The following GPAM variants were observed in gnomAD, a reference collection of about 807,000 sequenced individuals.
GPAM encodes the protein glycerol-3-phosphate acyltransferase 1, mitochondrial.
Under a neutral mutation model 105.0 loss-of-function variants are expected in GPAM, and 56 were observed. The ratio of observed to expected loss-of-function variants is 0.53; its 90% CI spans 0.43 to 0.67. The LOEUF (loss-of-function observed/expected upper bound fraction) is 0.67, where lower values mean the gene tolerates loss of function less well. GPAM is among the 30% of genes least tolerant of loss of function. GPAM has a pLI of 0.00. For missense variants in GPAM, 855 were observed against 989.8 expected (o/e 0.86, Z 1.83); for synonymous variants, 368 against 354.4 (o/e 1.04, Z -0.43).
At chr10:112,159,216 C>CTTT (rs35513817) in intron 17 of GPAM, among the ~76,000 whole-genome samples, 870 of 86,980 alleles carry the variant, frequency 0.01, 20 homozygotes, top group African/African-American at 0.016. Context: ...AGATGATTTT[C>CTTT]TTTTTTTTTT....
chr10:112,214,117 G>T (rs371263795), intron 1 of GPAM, among the ~76,000 whole-genome samples: 2 of 152,262 alleles, frequency 1.3e-5, no homozygotes, highest in East Asian at 3.9e-4. Context: ...CATCCTGTGG[G>T]GGGATCCACA....
At position 112,157,406 on chromosome 10, in the gene GPAM, A is replaced by G. The variant is rs1564809982; in HGVS notation, c.1981-17T>C. 6.2e-7 allele frequency: 1 copy of G among 1,612,632 alleles called. No homozygotes were observed. The highest frequency in any genetic ancestry group is 8.5e-7 in the Non-Finnish European group (1 of 1,178,878). ...GTCATCGTGCTAGGCCAAGGAGATG[A>G]TGGATAGTAAATAAATATGCACTGG... is the stretch of plus-strand genomic sequence containing the variant. On this transcript the variant is annotated splice_polypyrimidine_tract_variant and intron_variant, in intron 18 of 21. Coordinates refer to ENST00000348367, the MANE Select transcript of GPAM (RefSeq NM_001244949.2).
chr10:112,184,363 A>T (rs553277909), upstream of GPAM, among the ~76,000 whole-genome samples: 127 of 152,238 alleles, frequency 8.3e-4, 1 homozygote, highest in Non-Finnish European at 1.6e-3. Context: ...AATCGCTAAG[A>T]GTACATTTCA....
intron 1 of GPAM, among the ~76,000 whole-genome samples, chr10:112,204,014 A>G (rs2133298363): frequency 6.6e-6 from 1 of 152,296 alleles, no homozygotes; most frequent in South Asian, 2.1e-4. Context: ...CCAGGCTACC[A>G]AACACCAAGG....
Position 112,153,353 on chromosome 10 carries a change from T to C in GPAM, c.*197A>G. The C allele has an allele frequency of 5.3e-6, 8 of 1,500,596 alleles. No individual in the cohort carries two copies. Among genetic ancestry groups the C allele is most frequent in the Non-Finnish European group, 5.3e-6 (6 of 1,131,406 alleles). 93.0% of individuals were successfully genotyped at this position (1,500,596 alleles called of 1,614,324 possible). ...GAGGCTGAGGTCCCCCCAAGTGTTA[T>C]CTGCAGGCTGCTGTGTTGATGCAGA... On this transcript the variant is annotated 3_prime_UTR_variant, in exon 22 of 22. Transcript: ENST00000348367.
At chr10:112,225,844 C>T in the GPAM span, among the ~76,000 whole-genome samples, 2 of 152,162 alleles carry the variant, frequency 1.3e-5, no homozygotes, top group South Asian at 2.1e-4. Context: ...TTGTTTTGCT[C>T]GCTGCGGTGT....
rs977086655 is a variant in GPAM at position 112,157,318 on chromosome 10, C to A, written c.2052G>T (p.Leu684Phe). ...CATCTTCTTCATCACTTCTCCAAGA[C>A]AAAGGTTCTGGAAGCTTCTTGTCCC... is the stretch of plus-strand genomic sequence containing the variant. ...QQWDKKLPEP[L>F]SWRSDEEDED... The change falls in exon 19 of 22, where the codon TTG becomes TTT. Residue 684 changes from leucine to phenylalanine, a missense_variant. Transcript: ENST00000348367. 6.2e-7 allele frequency: 1 copy of A among 1,613,692 alleles called. No individual in the cohort carries two copies. The highest frequency in any genetic ancestry group is 8.5e-7 in the Non-Finnish European group (1 of 1,179,570).
chr10:112,197,970 C>A (rs552113939), intron 1 of GPAM, among the ~76,000 whole-genome samples: 2 of 152,130 alleles, frequency 1.3e-5, no homozygotes, highest in East Asian at 1.9e-4. Flanking sequence ...TATTGTGAAC[C>A]ATTAATTACA....
chr10:112,157,395 C>A lies in GPAM; in HGVS notation c.1981-6G>T. 6.2e-7 allele frequency: 1 copy of A among 1,613,548 alleles called. No individual in the cohort carries two copies. The highest frequency in any genetic ancestry group is 8.5e-7 in the Non-Finnish European group (1 of 1,179,558). ...ATATCTTCCTGGTCATCGTGCTAGGCCAAGGAGATGATGGATAGTAAATAA... is the reference window on the plus strand; with the variant it reads ...ATATCTTCCTGGTCATCGTGCTAGGACAAGGAGATGATGGATAGTAAATAA... On this transcript the variant is annotated splice_polypyrimidine_tract_variant and splice_region_variant and intron_variant, in intron 18 of 21. Coordinates refer to ENST00000348367, the MANE Select transcript of GPAM (RefSeq NM_001244949.2).
At chr10:112,200,432 T>C (rs964012816) in intron 1 of GPAM, among the ~76,000 whole-genome samples, 5 of 151,558 alleles carry the variant, frequency 3.3e-5, no homozygotes, top group African/African-American at 1.2e-4. Context: ...GGACCACAGG[T>C]GCATGCCACC....
chr10:112,195,101 C>A (rs554058432), intron 1 of GPAM, among the ~76,000 whole-genome samples: 1 of 152,132 alleles, frequency 6.6e-6, no homozygotes, highest in African/African-American at 2.4e-5. Flanking sequence ...TACACATCAG[C>A]CAGACCGAGC....
At chr10:112,186,619 T>C (rs1847599390), upstream of GPAM, among the ~76,000 whole-genome samples, 1 of 152,158 alleles carries the variant, frequency 6.6e-6, no homozygotes, top group African/African-American at 2.4e-5. Context: ...TGATCTCAGC[T>C]CACTGAAACC....
At chr10:112,207,895 G>C (rs1340153623) in intron 1 of GPAM, among the ~76,000 whole-genome samples, 1 of 152,206 alleles carries the variant, frequency 6.6e-6, no homozygotes, top group Non-Finnish European at 1.5e-5. Flanking sequence ...GCTCCTTACA[G>C]CTAAATATGT....
At position 112,181,827 on chromosome 10, in the gene GPAM, G is replaced by A. The variant is rs775441827; in HGVS notation, c.-29-14C>T. 22 of 1,080,010 alleles carry A rather than the reference G, an allele frequency of 2.0e-5. No homozygotes were observed. The highest frequency in any genetic ancestry group is 2.9e-5 in the Non-Finnish European group (20 of 693,872). 66.9% of individuals were successfully genotyped at this position (1,080,010 alleles called of 1,614,324 possible). On this transcript the variant is annotated splice_polypyrimidine_tract_variant and intron_variant, in intron 2 of 21. Transcript: ENST00000348367. ...CCAAATCATGTGCTATAAAAAATAG[G>A]TACCATTTAAATTAACAAGGAATCG...
chr10:112,168,887 C>CAA lies in GPAM; in HGVS notation c.859_860insTT (p.Arg287LeufsTer15). 6.2e-7 allele frequency: 1 copy of CAA among 1,610,166 alleles called. No individual in the cohort carries two copies. Among genetic ancestry groups the CAA allele is most frequent in the South Asian group, 1.1e-5 (1 of 90,994 alleles). On this transcript the variant is annotated frameshift_variant, in exon 10 of 22. Coordinates refer to ENST00000348367, the MANE Select transcript of GPAM (RefSeq NM_001244949.2). LOFTEE classifies it high-confidence loss of function. ...CAAAGCTCTATAGAGAACATCTTTC[C>CAA]GTCCATCTGGTGTTTCATCGAGCCT...
Position 112,152,608 on chromosome 10 carries a change from C to T in GPAM, c.*942G>A, listed in dbSNP as rs1457773681. Reference sequence around the variant, plus strand: ...TCAGCTGTGGCCAGAGAACTGTATTCTAACAGTCTGTCAGCTCAAGCTAAT... The same window carrying T: ...TCAGCTGTGGCCAGAGAACTGTATTTTAACAGTCTGTCAGCTCAAGCTAAT... On this transcript the variant is annotated 3_prime_UTR_variant, in exon 22 of 22. Transcript: ENST00000348367. 1 of 985,220 alleles carries T rather than the reference C, an allele frequency of 1.0e-6. No individual in the cohort carries two copies. The highest frequency in any genetic ancestry group is 1.2e-6 in the Non-Finnish European group (1 of 829,844). 61.0% of individuals were successfully genotyped at this position (985,220 alleles called of 1,614,324 possible).
At chr10:112,189,757 T>G (rs1301771057) in intron 1 of GPAM, among the ~76,000 whole-genome samples, 1 of 152,212 alleles carries the variant, frequency 6.6e-6, no homozygotes, top group Non-Finnish European at 1.5e-5. Flanking sequence ...CACCGCTTCC[T>G]TTTCCGTTTT....
rs148277340 is a variant in GPAM at position 112,176,286 on chromosome 10, T to G, written c.300-573A>C. Among the ~76,000 whole-genome samples, 516 of 152,302 alleles carry G rather than the reference T, an allele frequency of 3.4e-3. 2 individuals are homozygous for G. The highest frequency in any genetic ancestry group is 0.012 in the African/African-American group (488 of 41,574). ...CTAACGAAGCCAGAATTTCTCACTT[T>G]TTCCCCCTTCACATTTTAAATACAC... is the stretch of plus-strand genomic sequence containing the variant. On this transcript the variant is annotated intron_variant, in intron 5 of 21. Coordinates refer to ENST00000348367, the MANE Select transcript of GPAM (RefSeq NM_001244949.2).
chr10:112,195,901 G>A (rs1334359113), intron 1 of GPAM, among the ~76,000 whole-genome samples: 2 of 152,322 alleles, frequency 1.3e-5, no homozygotes, highest in East Asian at 3.9e-4. Context: ...TTGTGACTTT[G>A]TAGCTCTTAG....
Sources: allele counts gnomAD v4.1 joint callset (sites outside exome capture counted in the v4.1 genomes callset), GRCh38; gene constraint gnomAD v4.1.1; transcripts MANE v1.5; gene names NCBI Gene and HGNC (gene_info 2026-07-23, HGNC 2026-07-21).